SUV39H2: variants seen among roughly 807,000 people sequenced by gnomAD.
The protein encoded by SUV39H2 is SUV39H2 histone lysine methyltransferase.
SUV39H2 carries 10 observed loss-of-function variants against 47.5 expected under a neutral mutation model. The observed-to-expected ratio is 0.21, with a 90% CI of 0.13 to 0.36. The LOEUF (loss-of-function observed/expected upper bound fraction) is 0.36. Ranked by LOEUF, SUV39H2 falls within the 10% of genes least tolerant of loss-of-function variation. The pLI, the probability that SUV39H2 is intolerant of heterozygous loss-of-function variation, is 1.00. For missense variants in SUV39H2, 266 were observed against 487.4 expected (o/e 0.55, Z 4.28); for synonymous variants, 159 against 166.8 (o/e 0.95, Z 0.36).
At position 14,899,656 on chromosome 10, in the gene SUV39H2, G is replaced by A; in HGVS notation, c.967G>A (p.Gly323Ser). ...DEFTVDAARY[G>S]NVSHFVNHSC... ...ATTCACAGTGGATGCGGCTCGATACGGCAATGTGTCTCATTTTGTGAATCA... is the reference window on the plus strand; with the variant it reads ...ATTCACAGTGGATGCGGCTCGATACAGCAATGTGTCTCATTTTGTGAATCA... Residue 323 changes from glycine to serine, a missense_variant, in exon 4 of 6, where the codon GGC becomes AGC. Transcript: ENST00000354919. 1 of 1,613,852 alleles carries A rather than the reference G, an allele frequency of 6.2e-7. No homozygotes were observed. The highest frequency in any genetic ancestry group is 8.5e-7 in the Non-Finnish European group (1 of 1,179,944).
In SUV39H2 at chr10:14,881,605, A is replaced by T; in HGVS notation, c.137A>T (p.Asn46Ile). Residue 46 changes from asparagine (N) to isoleucine (I), a missense_variant, in exon 2 of 6, where the codon AAT becomes ATT. Coordinates refer to ENST00000354919, the MANE Select transcript of SUV39H2 (RefSeq NM_001193424.2). ...GGAATCACCAAAAGGAATCTAAACA[A>T]TTATGAGGTGGAATACTTGTGTGAC... ...SIGITKRNLNNYEVEYLCDYK... is the reference protein window; with the variant it reads ...SIGITKRNLNIYEVEYLCDYK... The T allele has an allele frequency of 6.2e-7, 1 of 1,601,632 alleles. No homozygotes were observed.
At position 14,897,451 on chromosome 10, in the gene SUV39H2, T is replaced by C. The variant is rs199654065; in HGVS notation, c.783T>C (p.Arg261=). The change falls in exon 3 of 6, where the codon CGT becomes CGC. Residue 261 remains arginine (R), a synonymous_variant. Coordinates refer to ENST00000354919, the MANE Select transcript of SUV39H2 (RefSeq NM_001193424.2). ...SLCIFRTSNG[R]GWGVKTLVKI... ...GCATCTTTCGAACTAGCAATGGACG[T>C]GGCTGGGGTGTAAAGACCCTTGTGA... 1 of 1,611,006 alleles carries C rather than the reference T, an allele frequency of 6.2e-7. No homozygotes were observed. Among genetic ancestry groups the C allele is most frequent in the African/African-American group, 1.3e-5 (1 of 74,994 alleles).
chr10:14,901,075 TGTAGAAG>T, intron 4 of SUV39H2, 51 bp from the exon 5 acceptor site: 2 of 1,583,600 alleles, frequency 1.3e-6, no homozygotes, highest in Non-Finnish European at 1.7e-6. Flanking sequence ...TTATATGGCA[TGTAGAAG>T]GGCTTGTTTA....
intron 2 of SUV39H2, among the ~76,000 whole-genome samples, chr10:14,894,955 A>G (rs949931521): frequency 1.9e-4 from 29 of 152,168 alleles, no homozygotes; most frequent in African/African-American, 7.0e-4. Context: ...AAAAGCAGTT[A>G]TCTCAATTAA....
intron 5 of SUV39H2, among the ~76,000 whole-genome samples, chr10:14,901,867 TGA>T (rs1834047520): frequency 6.6e-6 from 1 of 152,160 alleles, no homozygotes; most frequent in East Asian, 1.9e-4. Context: ...GAATTTTTAC[TGA>T]GAGATGTATA....
In SUV39H2 at chr10:14,903,263, G is replaced by A. The variant is rs916071007; in HGVS notation, c.*751G>A. On this transcript the variant is annotated 3_prime_UTR_variant, in exon 6 of 6. Coordinates refer to ENST00000354919, the MANE Select transcript of SUV39H2 (RefSeq NM_001193424.2). Reference sequence around the variant, plus strand: ...CTTCTTTGAAAGGACATGATAATGGGACCAGGATGGTTTTTTGGAGTACCA... The same window carrying A: ...CTTCTTTGAAAGGACATGATAATGGAACCAGGATGGTTTTTTGGAGTACCA... 2 of 152,142 alleles carry A rather than the reference G, an allele frequency of 1.3e-5. No homozygotes were observed. The highest frequency in any genetic ancestry group is 4.8e-5 in the African/African-American group (2 of 41,444). The allele number at this position is 152,142 out of a possible 1,614,324, so 9.4% of individuals were successfully genotyped here.
chr10:14,886,724 G>C (rs1195613776), intron 2 of SUV39H2, among the ~76,000 whole-genome samples: 1 of 152,212 alleles, frequency 6.6e-6, no homozygotes, highest in Non-Finnish European at 1.5e-5. Context: ...GGAATAGAAA[G>C]ATTAATAAGA....
At chr10:14,893,422 A>T (rs926320396) in intron 2 of SUV39H2, among the ~76,000 whole-genome samples, 1 of 152,208 alleles carries the variant, frequency 6.6e-6, no homozygotes, top group African/African-American at 2.4e-5. Context: ...CATATGATGT[A>T]TTCCAAATTA....
intron 2 of SUV39H2, among the ~76,000 whole-genome samples, chr10:14,886,592 T>A (rs899823531): frequency 2.6e-5 from 4 of 152,224 alleles, no homozygotes; most frequent in Non-Finnish European, 5.9e-5. Flanking sequence ...TAGGCCTTCC[T>A]GGCTTCATGC....
intron 2 of SUV39H2, among the ~76,000 whole-genome samples, chr10:14,891,780 C>T (rs1335071263): frequency 2.6e-5 from 4 of 152,008 alleles, no homozygotes; most frequent in Non-Finnish European, 5.9e-5. Context: ...AGTTACATGT[C>T]GATAGGTTGC....
chr10:14,879,143 G>T (rs1158343172), intron 1 of SUV39H2: 1 of 1,230,844 alleles, frequency 8.1e-7, no homozygotes, highest in Non-Finnish European at 1.0e-6. Flanking sequence ...CACTGTCCGA[G>T]CCTGGGGCAC....
At chr10:14,898,668 ACTT>A (rs1259958192) in intron 3 of SUV39H2, 1 of 152,342 alleles carries the variant, frequency 6.6e-6, no homozygotes, top group Non-Finnish European at 1.5e-5. Context: ...AACATAAAGT[ACTT>A]TAGACACTTT....
chr10:14,901,130 T>C lies in SUV39H2; in HGVS notation c.997-3T>C, dbSNP rs1379104754. 1.2e-6 allele frequency: 2 copies of C among 1,613,672 alleles called. No homozygotes were observed. The highest frequency in any genetic ancestry group is 1.7e-6 in the Non-Finnish European group (2 of 1,179,820). Reference sequence around the variant, plus strand: ...TTAAATGGGTTCTAATGTTCCTTTTTAGTGTGACCCAAATCTTCAGGTGTT... The same window carrying C: ...TTAAATGGGTTCTAATGTTCCTTTTCAGTGTGACCCAAATCTTCAGGTGTT... On this transcript the variant is annotated splice_region_variant and splice_polypyrimidine_tract_variant and intron_variant, in intron 4 of 5. Coordinates refer to ENST00000354919, the MANE Select transcript of SUV39H2 (RefSeq NM_001193424.2).
At chr10:14,889,264 AT>A (rs545380478) in intron 2 of SUV39H2, among the ~76,000 whole-genome samples, 3 of 151,622 alleles carry the variant, frequency 2.0e-5, no homozygotes, top group Admixed American at 6.6e-5. Flanking sequence ...TGTGATAGTA[AT>A]TTTTTTTTAA....
intron 2 of SUV39H2, among the ~76,000 whole-genome samples, chr10:14,890,866 T>C (rs1331362076): frequency 6.6e-6 from 1 of 152,202 alleles, no homozygotes; most frequent in African/African-American, 2.4e-5. Flanking sequence ...TACCTCCAAG[T>C]TTATCAGCTT....
At position 14,883,475 on chromosome 10, in the gene SUV39H2, C is replaced by T. The variant is rs531238877; in HGVS notation, c.177+1830C>T. ...ATCCTAGCACTTTGGGGGGCCAAGG[C>T]GGGCAGATCACTCGAGGTCAGGAGT... On this transcript the variant is annotated intron_variant, in intron 2 of 5. Coordinates refer to ENST00000354919, the MANE Select transcript of SUV39H2 (RefSeq NM_001193424.2). 3.2e-4 allele frequency among the ~76,000 whole-genome samples: 49 copies of T among 151,754 alleles called. No homozygotes were observed. The South Asian group carries it at 8.8e-3, about 27-fold the overall frequency.
intron 1 of SUV39H2, chr10:14,879,135 C>T (rs1350588331): frequency 1.9e-5 from 23 of 1,241,524 alleles, no homozygotes; most frequent in Non-Finnish European, 2.3e-5. Flanking sequence ...GAGGTGGGCA[C>T]TGTCCGAGCC....
chr10:14,878,961 G>T (rs767303993), intron 1 of SUV39H2, 42 bp downstream of exon 1: 136 of 1,420,086 alleles, frequency 9.6e-5, no homozygotes, highest in Non-Finnish European at 1.2e-4. Flanking sequence ...CTGTTCCCAG[G>T]CAAGCTCCCA....
At chr10:14,880,883 C>T (rs1396156633) in intron 1 of SUV39H2, among the ~76,000 whole-genome samples, 1 of 151,930 alleles carries the variant, frequency 6.6e-6, no homozygotes, top group Non-Finnish European at 1.5e-5. Flanking sequence ...AGTTTATTCA[C>T]CTTGGTGATA....
Sources: allele counts gnomAD v4.1 joint callset (sites outside exome capture counted in the v4.1 genomes callset), GRCh38; gene constraint gnomAD v4.1.1; transcripts MANE v1.5; gene names NCBI Gene and HGNC (gene_info 2026-07-23, HGNC 2026-07-21).